Variants in NUP98 observed in about 807,000 individuals in gnomAD.
The protein encoded by NUP98 is nucleoporin 98 and 96 precursor, also known as nuclear pore complex protein Nup98-Nup96.
A neutral mutation model predicts 191.9 loss-of-function variants in NUP98; 26 were observed. The ratio of observed to expected loss-of-function variants is 0.14; its 90% CI spans 0.10 to 0.19. NUP98 has a LOEUF of 0.19. NUP98 is among the 10% of genes least tolerant of loss of function. The pLI is 1.00. For synonymous variants in NUP98, 808 were observed against 778.4 expected (o/e 1.04, Z -0.63); for missense variants, 1,941 against 2,178.8 (o/e 0.89, Z 2.17).
At chr11:3,690,978 A>C (rs1399686973) in intron 28 of NUP98, among the ~76,000 whole-genome samples, 1 of 152,182 alleles carries the variant, frequency 6.6e-6, no homozygotes, top group Non-Finnish European at 1.5e-5. Flanking sequence ...AGCAAAACTA[A>C]CTTATAGTAA....
At chr11:3,680,597 A>G (rs1387328125) in intron 30 of NUP98, among the ~76,000 whole-genome samples, 1 of 152,192 alleles carries the variant, frequency 6.6e-6, no homozygotes, top group Non-Finnish European at 1.5e-5. Flanking sequence ...GCTGGAGCAC[A>G]GTGGCACGAT....
rs1250036059 is a variant in NUP98, at chr11:3,775,894, A to T, written c.483T>A (p.Thr161=). 6.2e-7 allele frequency: 1 copy of T among 1,610,424 alleles called. No individual in the cohort carries two copies. The highest frequency in any genetic ancestry group is 8.5e-7 in the Non-Finnish European group (1 of 1,179,086). The stretch of plus-strand genomic sequence containing the variant: ...AGAAAATACATACGTTAAATTTAAT[A>T]GTAGTCCCAGTAGGAGCAGCTGTAA... ...SSFTAAPTGT[T]IKFNPPTGTD... The change falls in exon 5 of 33, where the codon ACT becomes ACA. Residue 161 remains threonine (T), a synonymous_variant. Coordinates refer to ENST00000324932, the MANE Select transcript of NUP98 (RefSeq NM_016320.5).
At chr11:3,754,055 T>C (rs2080868717) in intron 10 of NUP98, among the ~76,000 whole-genome samples, 1 of 152,158 alleles carries the variant, frequency 6.6e-6, no homozygotes, top group Admixed American at 6.6e-5. Context: ...AACATTGCCT[T>C]TGTAAGGCCC....
intron 30 of NUP98, among the ~76,000 whole-genome samples, 196 bp downstream of exon 30, chr11:3,683,004 T>C (rs1415227336): frequency 6.6e-6 from 1 of 152,138 alleles, no homozygotes; most frequent in East Asian, 1.9e-4. Context: ...ATGATAACAA[T>C]ATTGCTATCT....
chr11:3,797,328 G>A (rs2082709181), intron 1 of NUP98, 72 bp downstream of exon 1: 3 of 399,650 alleles, frequency 7.5e-6, no homozygotes, highest in African/African-American at 2.1e-5. Flanking sequence ...GAGACGCCCC[G>A]CGCGTCCGCC....
intron 14 of NUP98, among the ~76,000 whole-genome samples, chr11:3,729,749 G>A (rs1054495325): frequency 6.4e-5 from 7 of 109,670 alleles, no homozygotes; most frequent in Non-Finnish European, 1.0e-4. Flanking sequence ...AAAGGATGAC[G>A]TTTGACAGCA....
chr11:3,771,501 T>C (rs1253054842), intron 7 of NUP98, among the ~76,000 whole-genome samples: 1 of 152,170 alleles, frequency 6.6e-6, no homozygotes, highest in African/African-American at 2.4e-5. Flanking sequence ...TACAACTTGC[T>C]CCTTCATCTT....
rs2077815291 is a variant in NUP98, at chr11:3,676,500, G to C, written c.5185+9C>G. The C allele has an allele frequency of 6.2e-7, 1 of 1,611,978 alleles. No homozygotes were observed. Among genetic ancestry groups the C allele is most frequent in the Admixed American group, 1.7e-5 (1 of 59,998 alleles). On this transcript the variant is annotated intron_variant, in intron 32 of 32. Transcript: ENST00000324932. ...GAAGGCAGAAAGAGTGAGGAGGTTA[G>C]AGGCTTACCTGACTGAGCCAGGCGA...
At chr11:3,785,680 A>G (rs2082119534) in intron 1 of NUP98, among the ~76,000 whole-genome samples, 1 of 152,030 alleles carries the variant, frequency 6.6e-6, no homozygotes, top group Non-Finnish European at 1.5e-5. Flanking sequence ...AATCACTTGA[A>G]CTCAGGAAGC....
rs775712554 is a variant in NUP98, at chr11:3,778,945, C to T, written c.283G>A (p.Ala95Thr). The change falls in exon 4 of 33, where the codon GCA becomes ACA. Residue 95 changes from alanine (A) to threonine (T), a missense_variant. Ala to Thr is a moderately conservative substitution (Grantham distance 58, BLOSUM62 0). Around this residue, in one of 6 missense-constraint regions of NUP98, gnomAD observed 154 missense variants for 182.9 expected, o/e 0.84. Coordinates refer to ENST00000324932, the MANE Select transcript of NUP98 (RefSeq NM_016320.5). ...GAGAAGAGACTGGTCCCTGTGCTTGCAGTTCCAAACAAGGTATTTGCTGTT... is the reference window on the plus strand; with the variant it reads ...GAGAAGAGACTGGTCCCTGTGCTTGTAGTTCCAAACAAGGTATTTGCTGTT... ...TGTANTLFGT[A>T]STGTSLFSSQ... 6.2e-7 allele frequency: 1 copy of T among 1,614,198 alleles called. No individual in the cohort carries two copies. Among genetic ancestry groups the T allele is most frequent in the East Asian group, 2.2e-5 (1 of 44,886 alleles).
At chr11:3,758,008 G>A (rs1238076638) in intron 10 of NUP98, among the ~76,000 whole-genome samples, 2 of 151,486 alleles carry the variant, frequency 1.3e-5, no homozygotes, top group African/African-American at 4.9e-5. Flanking sequence ...AATCTCAGGG[G>A]AAGGGAGATG....
chr11:3,788,950 A>C (rs2082240293), intron 1 of NUP98, among the ~76,000 whole-genome samples: 2 of 152,234 alleles, frequency 1.3e-5, no homozygotes, highest in Admixed American at 6.5e-5. Context: ...TCCATCTCAA[A>C]AAAACAACCA....
intron 32 of NUP98, 21 bp downstream of exon 32, chr11:3,676,488 G>A: frequency 6.2e-7 from 1 of 1,607,446 alleles, no homozygotes; most frequent in Non-Finnish European, 8.5e-7. Context: ...GGCAGAAAGA[G>A]TGAGGAGGTT....
intron 1 of NUP98, among the ~76,000 whole-genome samples, chr11:3,785,959 C>T (rs1046963811): frequency 6.6e-6 from 1 of 151,936 alleles, no homozygotes; most frequent in Admixed American, 6.6e-5. Context: ...CTGGCCCAAG[C>T]TGAAACCCCC....
intron 17 of NUP98, 110 bp downstream of exon 17, chr11:3,720,602 G>A: frequency 1.7e-6 from 1 of 572,102 alleles, no homozygotes; most frequent in Middle Eastern, 2.8e-4. Flanking sequence ...TCAGGCCAAG[G>A]TGGGCCCAAA....
intron 10 of NUP98, among the ~76,000 whole-genome samples, chr11:3,755,929 C>T (rs57284869): frequency 3.9e-5 from 6 of 152,234 alleles, no homozygotes; most frequent in Non-Finnish European, 7.3e-5. Flanking sequence ...CGCCACTGCA[C>T]TCCAGCCTGG....
chr11:3,785,062 C>T (rs894161105), intron 1 of NUP98, among the ~76,000 whole-genome samples: 1 of 151,896 alleles, frequency 6.6e-6, no homozygotes, highest in Non-Finnish European at 1.5e-5. Context: ...TGCTTGAACC[C>T]CAGAGGTGGA....
chr11:3,713,789 A>C (rs373753070), intron 19 of NUP98, 29 bp downstream of exon 19: 41 of 1,587,492 alleles, frequency 2.6e-5, no homozygotes, highest in Non-Finnish European at 3.2e-5. Flanking sequence ...ATAGTTTATA[A>C]AAGTCTGAAC....
intron 25 of NUP98, 116 bp from the exon 26 acceptor site, chr11:3,695,722 T>A: frequency 2.7e-6 from 2 of 730,560 alleles, no homozygotes; most frequent in Non-Finnish European, 4.0e-6. Context: ...TTAACATTGT[T>A]AACTGCTTTC....
Sources: gnomAD v4.1 joint callset for allele counts (sites outside exome capture counted in the v4.1 genomes callset) on GRCh38, gnomAD v4.1.1 for gene constraint, gnomAD v4.1.1 regional missense constraint, MANE v1.5 for transcripts, NCBI Gene and HGNC (gene_info 2026-07-23, HGNC 2026-07-21) for gene names.